Variants in HVCN1 observed in about 807,000 individuals in gnomAD.
HVCN1 encodes voltage-gated hydrogen channel 1.
A neutral mutation model predicts 29.2 loss-of-function variants in HVCN1; 14 were observed. The ratio of observed to expected loss-of-function variants is 0.48; its 90% CI spans 0.32 to 0.75. The LOEUF is 0.75. Among genes scored for constraint, HVCN1 ranks in the 30% least tolerant of loss-of-function variants. The pLI, the probability that HVCN1 is intolerant of heterozygous loss-of-function variation, is 0.04. For missense variants in HVCN1, 263 were observed against 341.8 expected, an observed-to-expected ratio of 0.77 and a Z score of 1.82; for synonymous variants, 131 against 133.2, an observed-to-expected ratio of 0.98 and a Z score of 0.11.
chr12:110,689,472 C>A, upstream of HVCN1: 1 of 152,370 alleles, frequency 6.6e-6, no homozygotes, highest in Non-Finnish European at 1.5e-5. This position sits in a 1 kb window ranked among gnomAD's most constrained non-coding sequence, Gnocchi z 5.7. Flanking sequence ...CCTTCCTCCG[C>A]CGGCTGGAGC....
intron 1 of HVCN1, chr12:110,702,458 A>G (rs2069573012): frequency 6.6e-6 from 1 of 152,044 alleles, no homozygotes; most frequent in African/African-American, 2.4e-5. Flanking sequence ...AGGGCAAGAC[A>G]ATACAATAAA....
At chr12:110,655,417 G>A (rs2067956872) in intron 4 of HVCN1, 79 bp from the exon 5 acceptor site, 2 of 1,097,630 alleles carry the variant, frequency 1.8e-6, no homozygotes, top group South Asian at 1.3e-5. Flanking sequence ...GAGCTGGCTT[G>A]GAAGCACGTG....
chr12:110,659,264 C>T (rs990374418), intron 4 of HVCN1, among the ~76,000 whole-genome samples: 9 of 151,930 alleles, frequency 5.9e-5, no homozygotes, highest in African/African-American at 2.2e-4. Context: ...GGCTACATTT[C>T]TCTGCTTCCA....
At chr12:110,691,858 C>T (rs2069411912), upstream of HVCN1, among the ~76,000 whole-genome samples, 1 of 146,920 alleles carries the variant, frequency 6.8e-6, no homozygotes, top group African/African-American at 2.6e-5. Context: ...GTGGTCCAGT[C>T]TGCAGCCCCC....
intron 2 of HVCN1, among the ~76,000 whole-genome samples, chr12:110,695,360 TTTA>T (rs2069473994): frequency 6.8e-6 from 1 of 147,266 alleles, no homozygotes; most frequent in African/African-American, 2.5e-5. Flanking sequence ...ATATATTTTG[TTTA>T]TTTTGTGTAC....
At chr12:110,696,923 G>T (rs2069501995) in intron 2 of HVCN1, among the ~76,000 whole-genome samples, 2 of 152,068 alleles carry the variant, frequency 1.3e-5, no homozygotes, top group South Asian at 4.1e-4. Context: ...AAGTGTAGAG[G>T]AGAGATAAGG....
upstream of HVCN1, among the ~76,000 whole-genome samples, chr12:110,693,748 T>TA (rs995615448): frequency 1.3e-5 from 2 of 151,718 alleles, no homozygotes; most frequent in South Asian, 2.1e-4. Context: ...TTATTACAAG[T>TA]AAAAAAAAAT....
chr12:110,663,937 A>T (rs935347491), intron 3 of HVCN1, among the ~76,000 whole-genome samples: 21 of 151,992 alleles, frequency 1.4e-4, no homozygotes, highest in African/African-American at 4.1e-4. Context: ...TCTTTTTTTT[A>T]AAAAGAGGAT....
chr12:110,702,765 C>T (rs919254197), intron 1 of HVCN1, among the ~76,000 whole-genome samples: 2 of 152,092 alleles, frequency 1.3e-5, no homozygotes, highest in African/African-American at 2.4e-5. Context: ...AGTGATTCTC[C>T]TGCCTCAGCC....
At chr12:110,680,916 C>A (rs2068943136) in intron 3 of HVCN1, among the ~76,000 whole-genome samples, 1 of 152,256 alleles carries the variant, frequency 6.6e-6, no homozygotes, top group Admixed American at 6.5e-5. Context: ...GAAGACAGAA[C>A]CAGGCCCTGT....
intron 5 of HVCN1, among the ~76,000 whole-genome samples, chr12:110,653,382 C>T (rs1365154039): frequency 1.3e-5 from 2 of 151,968 alleles, no homozygotes; most frequent in Non-Finnish European, 2.9e-5. Flanking sequence ...AAGGCTTGAG[C>T]CCATGAGATC....
intron 2 of HVCN1, among the ~76,000 whole-genome samples, chr12:110,698,756 G>C (rs745896738): frequency 6.6e-6 from 1 of 152,158 alleles, no homozygotes. Flanking sequence ...GGCAGCCCCC[G>C]CTTCCCTCCT....
intron 2 of HVCN1, among the ~76,000 whole-genome samples, chr12:110,698,119 C>T (rs1410726896): frequency 1.3e-5 from 2 of 152,182 alleles, no homozygotes; most frequent in South Asian, 2.1e-4. Context: ...TGCTACTGTT[C>T]GTGGGTCAAG....
At chr12:110,696,930 A>G (rs555403860) in intron 2 of HVCN1, among the ~76,000 whole-genome samples, 1 of 152,188 alleles carries the variant, frequency 6.6e-6, no homozygotes, top group South Asian at 2.1e-4. Flanking sequence ...GAGGAGAGAT[A>G]AGGATGGCTT....
intron 3 of HVCN1, among the ~76,000 whole-genome samples, chr12:110,667,354 G>A (rs1007040166): frequency 2.0e-4 from 31 of 152,174 alleles, no homozygotes; most frequent in African/African-American, 6.5e-4. Context: ...AGCTGGTCTC[G>A]AACTCCTGAC....
At chr12:110,662,426 G>A (rs1041412909) in intron 3 of HVCN1, among the ~76,000 whole-genome samples, 4 of 152,230 alleles carry the variant, frequency 2.6e-5, no homozygotes, top group Non-Finnish European at 4.4e-5. Context: ...AATAGGGTGC[G>A]CATGGTGGCT....
Position 110,658,495 on chromosome 12 carries a change from C to T in HVCN1, c.306+2669G>A, listed in dbSNP as rs772703599. On this transcript the variant is annotated intron_variant, in intron 4 of 7. Coordinates refer to ENST00000242607, the MANE Select transcript of HVCN1 (RefSeq NM_032369.4). This position sits in a 1 kb window ranked among gnomAD's most constrained non-coding sequence, Gnocchi z 5.0. ...GCAACACCCATACCCGATCCACGTG[C>T]GCCCTTCTCAATTCCTCCAATGCTG... 1.9e-4 allele frequency among the ~76,000 whole-genome samples: 29 copies of T among 152,194 alleles called. No homozygotes were observed. Among genetic ancestry groups the T allele is most frequent in the Non-Finnish European group, 2.9e-4 (20 of 68,040 alleles).
intron 6 of HVCN1, among the ~76,000 whole-genome samples, chr12:110,650,765 C>T (rs565989606): frequency 2.9e-4 from 44 of 149,294 alleles, no homozygotes; most frequent in African/African-American, 1.1e-3. Context: ...ACAATCTTGG[C>T]TTATTGCAGC....
intron 4 of HVCN1, among the ~76,000 whole-genome samples, chr12:110,655,547 C>T (rs11065689): frequency 6.6e-6 from 1 of 152,208 alleles, no homozygotes; most frequent in African/African-American, 2.4e-5. Flanking sequence ...TGCCAGCCTC[C>T]TTCCCGCCAC....
Sources: allele counts gnomAD v4.1 joint callset (sites outside exome capture counted in the v4.1 genomes callset), GRCh38; gene constraint gnomAD v4.1.1; non-coding constraint Gnocchi (gnomAD v3.1); transcripts MANE v1.5; gene names NCBI Gene and HGNC (gene_info 2026-07-23, HGNC 2026-07-21).